The following DGKZ variants were observed in gnomAD, a reference collection of about 807,000 sequenced individuals.
DGKZ encodes the protein DAG kinase zeta.
A neutral mutation model predicts 142.5 loss-of-function variants in DGKZ; 45 were observed. That is an observed-to-expected ratio of 0.32 (90% CI 0.25 to 0.40). The LOEUF is 0.40. Ranked by LOEUF, DGKZ falls within the 10% of genes least tolerant of loss-of-function variation. The pLI, the probability that DGKZ is intolerant of heterozygous loss-of-function variation, is 1.00. For missense variants in DGKZ, 755 were observed against 1,306.5 expected (o/e 0.58, Z 6.51); for synonymous variants, 442 against 527.0 (o/e 0.84, Z 2.21).
intron 25 of DGKZ, chr11:46,377,519 C>T: frequency 2.3e-6 from 1 of 434,318 alleles, no homozygotes. Context: ...TTCCCGGCTG[C>T]CACGCCCTGG....
intron 24 of DGKZ, chr11:46,376,866 C>T (rs1387240257): frequency 2.5e-5 from 16 of 638,014 alleles, no homozygotes; most frequent in East Asian, 1.6e-4. Context: ...TCTGGTCAGG[C>T]GCCAGCTCAC....
chr11:46,366,109 C>G, intron 1 of DGKZ: 1 of 1,389,584 alleles, frequency 7.2e-7, no homozygotes. Context: ...CTTCCCTTCT[C>G]ATGGGGCAGA....
chr11:46,364,914 TC>T (rs1443196490), intron 1 of DGKZ: 42 of 985,174 alleles, frequency 4.3e-5, no homozygotes, highest in Middle Eastern at 5.2e-4. Context: ...TTAGGATGCA[TC>T]CCCCACCAGT....
chr11:46,365,283 C>T (rs1334302933), intron 1 of DGKZ: 1 of 985,278 alleles, frequency 1.0e-6, no homozygotes, highest in Non-Finnish European at 1.2e-6. Context: ...AATGTGCAGT[C>T]ACAGGCTCCA....
At chr11:46,369,072 G>A in intron 4 of DGKZ, 1 of 251,590 alleles carries the variant, frequency 4.0e-6, no homozygotes, top group Admixed American at 5.2e-5. Flanking sequence ...GCCAGGCGTG[G>A]TGATGCACAC....
At chr11:46,374,902 T>C (rs200019443) in intron 18 of DGKZ, 32 bp from the exon 19 acceptor site, 2 of 1,573,472 alleles carry the variant, frequency 1.3e-6, no homozygotes, top group Non-Finnish European at 1.7e-6. Flanking sequence ...GAGACTGTGT[T>C]TTGAGGCCCA....
intron 1 of DGKZ, among the ~76,000 whole-genome samples, chr11:46,338,346 A>C (rs746228920): frequency 6.6e-6 from 1 of 151,820 alleles, no homozygotes; most frequent in African/African-American, 2.4e-5. Context: ...AAATACAAAA[A>C]TTAGCCAGGC....
At chr11:46,359,201 G>C (rs192625058) in intron 1 of DGKZ, among the ~76,000 whole-genome samples, 3 of 151,824 alleles carry the variant, frequency 2.0e-5, no homozygotes, top group African/African-American at 7.2e-5. Context: ...CCAGCACTTT[G>C]GGAGGCCAAG....
chr11:46,363,209 A>G (rs1348764662), intron 1 of DGKZ, among the ~76,000 whole-genome samples: 1 of 152,224 alleles, frequency 6.6e-6, no homozygotes, highest in Non-Finnish European at 1.5e-5. Context: ...AGAGATAGGA[A>G]GTGAGGAGTC....
intron 1 of DGKZ, among the ~76,000 whole-genome samples, chr11:46,352,862 C>T (rs1044947533): frequency 3.3e-5 from 5 of 152,246 alleles, no homozygotes; most frequent in Admixed American, 3.3e-4. Flanking sequence ...GTGTGGGTTT[C>T]AGCACAGGAC....
In DGKZ at chr11:46,336,607, C is replaced by CTG. The variant is rs200651586; in HGVS notation, c.212+3128_212+3129dup. On this transcript the variant is annotated intron_variant, in intron 1 of 30. Coordinates refer to the DGKZ transcript ENST00000343674. ...TTTTTGTTTTTGAGATAGGGTCTCA[C>CTG]TGTGTGTGTCACCCAGGCTGGAGTG... Among the ~76,000 whole-genome samples the CTG allele has an allele frequency of 5.7e-3, 863 of 152,256 alleles. 9 individuals carry two copies. The highest frequency in any genetic ancestry group is 0.02 in the African/African-American group (817 of 41,554).
In DGKZ at chr11:46,364,858, A is replaced by G. The variant is rs974710934; in HGVS notation, c.162-2433A>G. 5.1e-6 allele frequency: 5 copies of G among 985,310 alleles called. No homozygotes were observed. The African/African-American group carries it at 8.7e-5, about 17-fold the overall frequency. 61.0% of individuals were successfully genotyped at this position (985,310 alleles called of 1,614,324 possible). ...AGGGCTTCTTCTGTCAGCCCCAGGC[A>G]GCACTGTCCCAGGGCTGTGACCTTG... On this transcript the variant is annotated intron_variant, in intron 1 of 30. Transcript: ENST00000527911.
intron 4 of DGKZ, 115 bp downstream of exon 4, chr11:46,368,194 G>C: frequency 8.9e-7 from 1 of 1,118,932 alleles, no homozygotes; most frequent in Non-Finnish European, 1.3e-6. Flanking sequence ...CCCAGCACTC[G>C]GGGGTGAAGA....
chr11:46,378,786 T>C, intron 27 of DGKZ: 1 of 949,984 alleles, frequency 1.1e-6, no homozygotes, highest in Non-Finnish European at 1.6e-6. Context: ...TCACCAGTGC[T>C]GCCAGAGAGC....
chr11:46,361,501 C>G, intron 1 of DGKZ: 1 of 414,066 alleles, frequency 2.4e-6, no homozygotes, highest in Non-Finnish European at 3.2e-6. Flanking sequence ...AGAGGAAGTG[C>G]GTTCAGTTAC....
intron 1 of DGKZ, among the ~76,000 whole-genome samples, chr11:46,352,986 A>G (rs1191633011): frequency 6.6e-6 from 1 of 152,188 alleles, no homozygotes; most frequent in Non-Finnish European, 1.5e-5. Flanking sequence ...CTGAAACACC[A>G]GAGACGTGGT....
chr11:46,375,180 G>T lies in DGKZ; in HGVS notation c.1710+135G>T, dbSNP rs112515619. On this transcript the variant is annotated intron_variant, in intron 19 of 30. Transcript: ENST00000527911. ...TCTTTGTCTCATTCCTCTGGCTTGA[G>T]AGCGGCACCTACCCCCTCTCCTCAC... The T allele has an allele frequency of 5.4e-3, 4,967 of 918,644 alleles. 163 individuals carry two copies. In the African/African-American group the frequency reaches 0.075, roughly 14 times the overall value. 56.9% of individuals were successfully genotyped at this position (918,644 alleles called of 1,614,324 possible). A position where few individuals can be genotyped will look rare whatever the true frequency, so the allele number is the denominator to read the frequency against.
rs1943389782 is a variant in DGKZ at position 46,367,036 on chromosome 11, G to C, written c.162-255G>C. The C allele has an allele frequency of 2.0e-6, 3 of 1,475,798 alleles. No homozygotes were observed. The highest frequency in any genetic ancestry group is 2.7e-6 in the Non-Finnish European group (3 of 1,117,012). 91.4% of individuals were successfully genotyped at this position (1,475,798 alleles called of 1,614,324 possible). A position where few individuals can be genotyped will look rare whatever the true frequency, so the allele number is the denominator to read the frequency against. Reference sequence around the variant, plus strand: ...GAGTGGTGTGACCTCCTGTGGGTCTGGCCTGGGCATGGGCCTTGAAGCTCT... The same window carrying C: ...GAGTGGTGTGACCTCCTGTGGGTCTCGCCTGGGCATGGGCCTTGAAGCTCT... On this transcript the variant is annotated intron_variant, in intron 1 of 30. Transcript: ENST00000527911. This position sits in a 1 kb window ranked among gnomAD's most constrained non-coding sequence, Gnocchi z 4.1.
At chr11:46,363,303 A>T (rs1942882800) in intron 1 of DGKZ, among the ~76,000 whole-genome samples, 1 of 152,204 alleles carries the variant, frequency 6.6e-6, no homozygotes, top group South Asian at 2.1e-4. Context: ...GCATGGGAGC[A>T]CGGAGGCATG....
Sources: allele counts gnomAD v4.1 joint callset (sites outside exome capture counted in the v4.1 genomes callset), GRCh38; gene constraint gnomAD v4.1.1; non-coding constraint Gnocchi (gnomAD v3.1); transcripts MANE v1.5; gene names NCBI Gene and HGNC (gene_info 2026-07-23, HGNC 2026-07-21).